LRRTM1: variants seen among roughly 807,000 people sequenced by gnomAD.
LRRTM1 encodes leucine-rich repeat transmembrane neuronal protein 1.
A neutral mutation model predicts 37.3 loss-of-function variants in LRRTM1; 8 were observed. That is an observed-to-expected ratio of 0.21 (90% CI 0.13 to 0.39). The LOEUF (loss-of-function observed/expected upper bound fraction) is 0.39. Ranked by LOEUF, LRRTM1 falls within the 10% of genes least tolerant of loss-of-function variation. The pLI is 1.00. For synonymous variants in LRRTM1, 326 were observed against 316.8 expected (o/e 1.03, Z -0.31); for missense variants, 557 against 691.0 (o/e 0.81, Z 2.17).
At chr2:80,298,787 T>G (rs574600039), downstream of LRRTM1, 3 of 152,326 alleles carry the variant, frequency 2.0e-5, no homozygotes, top group African/African-American at 7.2e-5. Context: ...ACCTTTCCTT[T>G]GCGATGGTAA....
downstream of LRRTM1, chr2:80,299,670 C>T (rs537182925): frequency 6.6e-6 from 1 of 152,308 alleles, no homozygotes; most frequent in South Asian, 2.1e-4. Context: ...CACGATTATT[C>T]TCTCTCTGTC....
chr2:80,293,383 G>A (rs889697529), intron 2 of LRRTM1, among the ~76,000 whole-genome samples: 1 of 152,188 alleles, frequency 6.6e-6, no homozygotes, highest in African/African-American at 2.4e-5. Flanking sequence ...CTTCACTGAG[G>A]ATAAATATGC....
chr2:80,297,522 C>G (rs1036391936), downstream of LRRTM1, among the ~76,000 whole-genome samples: 1 of 152,040 alleles, frequency 6.6e-6, no homozygotes, highest in African/African-American at 2.4e-5. Flanking sequence ...AATTGCCAGG[C>G]CCTTCACTTT....
At chr2:80,296,982 G>A (rs1386656078), downstream of LRRTM1, among the ~76,000 whole-genome samples, 2 of 152,192 alleles carry the variant, frequency 1.3e-5, no homozygotes, top group Non-Finnish European at 2.9e-5. Flanking sequence ...ACATATGGAT[G>A]TCTCTACTTT....
downstream of LRRTM1, among the ~76,000 whole-genome samples, chr2:80,297,522 C>T (rs1036391936): frequency 1.3e-5 from 2 of 152,158 alleles, no homozygotes; most frequent in East Asian, 1.9e-4. Context: ...AATTGCCAGG[C>T]CCTTCACTTT....
In LRRTM1 at chr2:80,302,679, G is replaced by A. The variant is rs763780491; in HGVS notation, c.1141C>T (p.Arg381Cys). The change falls in exon 2 of 2, where the codon CGC becomes TGC. Residue 381 changes from arginine to cysteine, a missense_variant. Around this residue, in one of 5 missense-constraint regions of LRRTM1, gnomAD observed 89 missense variants for 80.7 expected, o/e 1.10. Coordinates refer to ENST00000295057, the MANE Select transcript of LRRTM1 (RefSeq NM_178839.5). The surrounding 1 kb of genome is among the most constrained non-coding windows in gnomAD (Gnocchi z 6.4). Reference protein sequence around the residue: ...SGHLLSAVTNRSDLGPPASSA... With the variant: ...SGHLLSAVTNCSDLGPPASSA... ...CTGGCAGGGGGCCCCAGATCACTGC[G>A]GTTGGTGACGGCCGAGAGCAGGTGG... The A allele has an allele frequency of 6.8e-6, 11 of 1,612,080 alleles. No homozygotes were observed. Among genetic ancestry groups the A allele is most frequent in the South Asian group, 1.1e-5 (1 of 91,026 alleles).
downstream of LRRTM1, among the ~76,000 whole-genome samples, chr2:80,301,694 A>C (rs892381759): frequency 6.6e-6 from 1 of 152,174 alleles, no homozygotes; most frequent in Non-Finnish European, 1.5e-5. Context: ...AAATTAACAT[A>C]AATCATTAAT....
intron 2 of LRRTM1, among the ~76,000 whole-genome samples, chr2:80,291,487 T>G (rs1378436157): frequency 6.6e-6 from 1 of 152,228 alleles, no homozygotes; most frequent in Non-Finnish European, 1.5e-5. Context: ...ACCTCAGATG[T>G]GTACTTCATC....
chr2:80,302,957 T>C lies in LRRTM1; in HGVS notation c.863A>G (p.Asp288Gly). 1 of 1,612,016 alleles carries C rather than the reference T, an allele frequency of 6.2e-7. No individual in the cohort carries two copies. Among genetic ancestry groups the C allele is most frequent in the Non-Finnish European group, 8.5e-7 (1 of 1,179,692 alleles). ...CTCGATGTAGGTGAGGCGGTTGGAGTCCAGCTGCAGGGACTGCAGGTGCGG... is the reference window on the plus strand; with the variant it reads ...CTCGATGTAGGTGAGGCGGTTGGAGCCCAGCTGCAGGGACTGCAGGTGCGG... Reference protein sequence around the residue: ...TVPHLQSLQLDSNRLTYIEPR... With the variant: ...TVPHLQSLQLGSNRLTYIEPR... The change falls in exon 2 of 2, where the codon GAC becomes GGC. Residue 288 changes from aspartate to glycine, a missense_variant. Physicochemically the swap from Asp to Gly is moderately conservative, Grantham distance 94 (BLOSUM62 -1). This residue lies in a region of LRRTM1 where 200 missense variants were observed against 249.9 expected (regional missense o/e 0.80). Coordinates refer to ENST00000295057, the MANE Select transcript of LRRTM1 (RefSeq NM_178839.5). This position sits in a 1 kb window ranked among gnomAD's most constrained non-coding sequence, Gnocchi z 6.4.
At position 80,302,330 on chromosome 2, in the gene LRRTM1, A is replaced by T; in HGVS notation, c.1490T>A (p.Ile497Asn). The T allele has an allele frequency of 6.2e-7, 1 of 1,614,202 alleles. No individual in the cohort carries two copies. Among genetic ancestry groups the T allele is most frequent in the Non-Finnish European group, 8.5e-7 (1 of 1,180,020 alleles). ...EYYVDYKPNH[I>N]EGALVIINEY... ...GTTGATGATCACCAGGGCTCCCTCAATGTGGTTCGGTTTGTAATCAACGTA... is the reference window on the plus strand; with the variant it reads ...GTTGATGATCACCAGGGCTCCCTCATTGTGGTTCGGTTTGTAATCAACGTA... The change falls in exon 2 of 2, where the codon ATT becomes AAT. Residue 497 changes from isoleucine (I) to asparagine (N), a missense_variant. Physicochemically the swap from Ile to Asn is moderately radical, Grantham distance 149. Transcript: ENST00000295057. This position sits in a 1 kb window ranked among gnomAD's most constrained non-coding sequence, Gnocchi z 6.4.
At chr2:80,300,285 T>TAA (rs1676155038), downstream of LRRTM1, among the ~76,000 whole-genome samples, 1 of 14,280 alleles carries the variant, frequency 7.0e-5, no homozygotes. Flanking sequence ...TGTTGGGGTG[T>TAA]GTGTGTGTGT....
intron 2 of LRRTM1, chr2:80,289,206 C>T (rs543408287): frequency 2.6e-5 from 4 of 151,982 alleles, no homozygotes; most frequent in Admixed American, 1.3e-4. Context: ...CTGGGAAGAA[C>T]CATAATATTA....
chr2:80,298,036 A>T (rs903405030), downstream of LRRTM1: 9 of 150,560 alleles, frequency 6.0e-5, no homozygotes, highest in African/African-American at 1.7e-4. Flanking sequence ...TATATTATAT[A>T]TTATATATAT....
At chr2:80,301,211 G>A (rs1264921573), downstream of LRRTM1, among the ~76,000 whole-genome samples, 1 of 152,190 alleles carries the variant, frequency 6.6e-6, no homozygotes, top group African/African-American at 2.4e-5. Flanking sequence ...GGAATGTGCT[G>A]TCACTGTTTG....
chr2:80,298,065 G>T (rs1294582693), downstream of LRRTM1: 1 of 146,266 alleles, frequency 6.8e-6, no homozygotes, highest in African/African-American at 2.7e-5. Context: ...ACACACACAT[G>T]TGTGCATATT....
chr2:80,303,178 C>G lies in LRRTM1; in HGVS notation c.642G>C (p.Leu214=). 6.2e-7 allele frequency: 1 copy of G among 1,614,050 alleles called. No homozygotes were observed. The highest frequency in any genetic ancestry group is 8.5e-7 in the Non-Finnish European group (1 of 1,179,972). The change falls in exon 2 of 2, where the codon CTG becomes CTC. Residue 214 remains leucine (L), a synonymous_variant. Coordinates refer to ENST00000295057, the MANE Select transcript of LRRTM1 (RefSeq NM_178839.5). The surrounding 1 kb of genome is among the most constrained non-coding windows in gnomAD (Gnocchi z 7.7). The part of the protein sequence containing the change: ...SFAGLFKLTE[L]HLEHNDLVKV... ...TGACCAAGTCGTTGTGCTCGAGGTGCAGCTCGGTGAGCTTAAACAAGCCGG... is the reference window on the plus strand; with the variant it reads ...TGACCAAGTCGTTGTGCTCGAGGTGGAGCTCGGTGAGCTTAAACAAGCCGG...
downstream of LRRTM1, among the ~76,000 whole-genome samples, chr2:80,301,158 T>A (rs1676270158): frequency 6.6e-6 from 1 of 152,174 alleles, no homozygotes; most frequent in African/African-American, 2.4e-5. Context: ...CTGCAGGCAT[T>A]CATCCTAAGG....
chr2:80,291,508 T>C (rs987289688), intron 2 of LRRTM1, among the ~76,000 whole-genome samples: 1 of 152,186 alleles, frequency 6.6e-6, no homozygotes, highest in Non-Finnish European at 1.5e-5. Flanking sequence ...ATTTGTTAAA[T>C]TTCCTTGAGC....
chr2:80,295,430 G>C lies in LRRTM1; in HGVS notation c.*307-6235C>G, dbSNP rs1004336337. Among the ~76,000 whole-genome samples the C allele has an allele frequency of 3.0e-4, 45 of 152,208 alleles. 1 individual carries two copies. The highest frequency in any genetic ancestry group is 9.6e-4 in the African/African-American group (40 of 41,540). ...CAGCATGTCCACCTACCTCTCTGAAGCCCCTGACTCTCAGTGAATTTTTTT... is the reference window on the plus strand; with the variant it reads ...CAGCATGTCCACCTACCTCTCTGAACCCCCTGACTCTCAGTGAATTTTTTT... On this transcript the variant is annotated intron_variant and NMD_transcript_variant, in intron 2 of 2. Transcript: ENST00000417012.
Sources: allele counts gnomAD v4.1 joint callset (sites outside exome capture counted in the v4.1 genomes callset), GRCh38; gene constraint gnomAD v4.1.1; regional missense constraint gnomAD v4.1.1; non-coding constraint Gnocchi (gnomAD v3.1); transcripts MANE v1.5; gene names NCBI Gene and HGNC (gene_info 2026-07-23, HGNC 2026-07-21).